Variants in TNIK observed in about 807,000 individuals in gnomAD.
TNIK encodes TRAF2 and NCK interacting kinase.
Under a neutral mutation model 191.3 loss-of-function variants are expected in TNIK, and 49 were observed. That is an observed-to-expected ratio of 0.26 (90% CI 0.20 to 0.32). The LOEUF (loss-of-function observed/expected upper bound fraction) is 0.32. Among genes scored for constraint, TNIK ranks in the 10% least tolerant of loss-of-function variants. The pLI, the probability that TNIK is intolerant of heterozygous loss-of-function variation, is 1.00. For missense variants in TNIK, 1,155 were observed against 1,702.3 expected (o/e 0.68, Z 5.66); for synonymous variants, 594 against 600.9 (o/e 0.99, Z 0.17).
chr3:171,247,646 G>GA (rs202247528), intron 2 of TNIK, among the ~76,000 whole-genome samples: 1,985 of 152,102 alleles, frequency 0.013, 52 homozygotes, highest in African/African-American at 0.046. Context: ...TGAACCCCAA[G>GA]AAAAAACAAC....
chr3:171,296,151 T>C (rs1271895170), intron 2 of TNIK, among the ~76,000 whole-genome samples: 1 of 152,214 alleles, frequency 6.6e-6, no homozygotes, highest in Non-Finnish European at 1.5e-5. Context: ...GTAGAACTCA[T>C]GGACTTCCAG....
chr3:171,082,448 G>A, intron 26 of TNIK, 54 bp from the exon 27 acceptor site: 1 of 1,574,268 alleles, frequency 6.4e-7, no homozygotes, highest in Non-Finnish European at 8.6e-7. Flanking sequence ...TTAATCTTCT[G>A]CATCGAGAGT....
chr3:171,325,033 G>T (rs376217863), intron 2 of TNIK, among the ~76,000 whole-genome samples: 2 of 152,010 alleles, frequency 1.3e-5, no homozygotes, highest in Non-Finnish European at 2.9e-5. Flanking sequence ...TCCAGGAGGC[G>T]GAGCTTGCAA....
chr3:171,308,735 T>C (rs1186605509), intron 2 of TNIK, among the ~76,000 whole-genome samples: 2 of 152,030 alleles, frequency 1.3e-5, no homozygotes, highest in African/African-American at 2.4e-5. Flanking sequence ...CACTTAAAAG[T>C]GGGCAAAGGA....
At chr3:171,430,237 G>A (rs566763498) in intron 1 of TNIK, among the ~76,000 whole-genome samples, 18 of 152,110 alleles carry the variant, frequency 1.2e-4, no homozygotes, top group Non-Finnish European at 2.1e-4. Flanking sequence ...TAGTTTCATC[G>A]CAATATACAT....
intron 2 of TNIK, among the ~76,000 whole-genome samples, chr3:171,281,661 G>A (rs1025194165): frequency 5.3e-5 from 8 of 151,942 alleles, no homozygotes; most frequent in African/African-American, 7.3e-5. Context: ...ACACTAAACC[G>A]TACCAAGTAT....
At chr3:171,105,476 G>A (rs1724656948) in intron 21 of TNIK, among the ~76,000 whole-genome samples, 1 of 152,110 alleles carries the variant, frequency 6.6e-6, no homozygotes, top group Non-Finnish European at 1.5e-5. Context: ...GAGAGCCACT[G>A]GGTTAGGTAG....
chr3:171,398,556 T>C (rs1330954027), intron 1 of TNIK, among the ~76,000 whole-genome samples: 10 of 152,116 alleles, frequency 6.6e-5, no homozygotes, highest in African/African-American at 1.2e-4. Flanking sequence ...TTGTACCCAG[T>C]CCAACTTTCC....
At chr3:171,217,415 C>T (rs543526964) in intron 3 of TNIK, among the ~76,000 whole-genome samples, 12 of 152,026 alleles carry the variant, frequency 7.9e-5, no homozygotes, top group Admixed American at 7.2e-4. Flanking sequence ...GAGAAGTGGA[C>T]AAGAGTTAAA....
intron 1 of TNIK, among the ~76,000 whole-genome samples, chr3:171,387,613 G>T (rs74769839): frequency 0.018 from 2,805 of 152,298 alleles, 84 homozygotes; most frequent in African/African-American, 0.064. Context: ...TTTAGGAAGA[G>T]ATGGATTTTG....
At chr3:171,074,850 A>G (rs1324835227) in intron 28 of TNIK, among the ~76,000 whole-genome samples, 2 of 152,248 alleles carry the variant, frequency 1.3e-5, no homozygotes, top group African/African-American at 4.8e-5. Flanking sequence ...TGGATAACTA[A>G]GGCAAACAGT....
At chr3:171,312,528 A>G (rs532676641) in intron 2 of TNIK, among the ~76,000 whole-genome samples, 2 of 151,954 alleles carry the variant, frequency 1.3e-5, no homozygotes, top group Non-Finnish European at 2.9e-5. Flanking sequence ...GATGTGCCCA[A>G]ATTGCCTTGT....
intron 5 of TNIK, 130 bp from the exon 6 acceptor site, chr3:171,190,917 T>C (rs1737989866): frequency 2.0e-5 from 12 of 613,912 alleles, no homozygotes; most frequent in Non-Finnish European, 3.1e-5. Flanking sequence ...TAATCACATC[T>C]TTCATGTGCT....
At chr3:171,364,041 A>G (rs535536387) in intron 2 of TNIK, among the ~76,000 whole-genome samples, 4 of 152,352 alleles carry the variant, frequency 2.6e-5, no homozygotes, top group African/African-American at 7.2e-5. Context: ...GACCTATAAC[A>G]GGATAACATA....
chr3:171,392,516 C>T (rs1354784365), intron 1 of TNIK, among the ~76,000 whole-genome samples: 4 of 152,018 alleles, frequency 2.6e-5, no homozygotes, highest in South Asian at 2.1e-4. Context: ...CACAGTGGCT[C>T]GGCCTGAAGT....
chr3:171,143,462 G>A (rs1283940882), intron 12 of TNIK, among the ~76,000 whole-genome samples: 2 of 152,172 alleles, frequency 1.3e-5, no homozygotes, highest in African/African-American at 4.8e-5. Context: ...CCCCTCAGAC[G>A]GGGGCCTGGC....
chr3:171,184,121 TA>T (rs552858719), intron 7 of TNIK, among the ~76,000 whole-genome samples: 101 of 152,234 alleles, frequency 6.6e-4, no homozygotes, highest in African/African-American at 2.2e-3. Flanking sequence ...ATTCCCATTT[TA>T]TGCAGGTTTA....
In TNIK at chr3:171,089,907, C is replaced by G. The variant is rs1237998842; in HGVS notation, c.2722-2401G>C. Among the ~76,000 whole-genome samples, 10 of 152,128 alleles carry G rather than the reference C, an allele frequency of 6.6e-5. 1 individual carries two copies. ...ACACGGGTTCTAAGTGGTTTGAACC[C>G]AGCTGTCCTATGGCAGAGCCCAGGT... On this transcript the variant is annotated intron_variant, in intron 23 of 32. Coordinates refer to ENST00000436636, the MANE Select transcript of TNIK (RefSeq NM_015028.4).
chr3:171,078,497 G>T (rs1720272781), intron 28 of TNIK, among the ~76,000 whole-genome samples: 1 of 150,476 alleles, frequency 6.6e-6, no homozygotes. Flanking sequence ...TTTTTTAACA[G>T]CCCTTTTCTT....
Sources: allele counts gnomAD v4.1 joint callset (sites outside exome capture counted in the v4.1 genomes callset), GRCh38; gene constraint gnomAD v4.1.1; transcripts MANE v1.5; gene names NCBI Gene and HGNC (gene_info 2026-07-23, HGNC 2026-07-21).